ST3GAL3: variants seen among roughly 807,000 people sequenced by gnomAD.
The protein encoded by ST3GAL3 is ST3 beta-galactoside alpha-2,3-sialyltransferase 3.
ST3GAL3 carries 21 observed loss-of-function variants against 50.1 expected under a neutral mutation model. That is an observed-to-expected ratio of 0.42 (90% CI 0.30 to 0.60). The LOEUF (loss-of-function observed/expected upper bound fraction) is 0.60. Ranked by LOEUF, ST3GAL3 falls within the 20% of genes least tolerant of loss-of-function variation. The probability of loss-of-function intolerance (pLI) is 0.19; values close to 1 mark genes in which losing one functional copy is unlikely to be tolerated. For missense variants in ST3GAL3, 353 were observed against 489.4 expected (o/e 0.72, Z 2.63); for synonymous variants, 183 against 190.0 (o/e 0.96, Z 0.30).
chr1:43,865,173 C>T (rs1188987963), intron 5 of ST3GAL3, among the ~76,000 whole-genome samples: 4 of 151,980 alleles, frequency 2.6e-5, no homozygotes, highest in African/African-American at 7.3e-5. Context: ...CCCACCACCA[C>T]GCCCGGCTAT....
At chr1:43,725,673 G>T (rs1163411330) in intron 1 of ST3GAL3, among the ~76,000 whole-genome samples, 5 of 151,986 alleles carry the variant, frequency 3.3e-5, no homozygotes, top group Non-Finnish European at 7.4e-5. Context: ...TTGAGACAGT[G>T]TCCCACTCTG....
chr1:43,744,627 T>TG (rs1279368831), intron 2 of ST3GAL3, among the ~76,000 whole-genome samples: 1 of 141,924 alleles, frequency 7.0e-6, no homozygotes, highest in Non-Finnish European at 1.5e-5. Flanking sequence ...CACTCCAGCG[T>TG]GGGGGACAGA....
intron 9 of ST3GAL3, among the ~76,000 whole-genome samples, chr1:43,901,801 G>C (rs2078322553): frequency 6.6e-6 from 1 of 152,228 alleles, no homozygotes; most frequent in Admixed American, 6.5e-5. Context: ...ACCCAGGGTG[G>C]GTGGGGGTGA....
At chr1:43,815,092 G>A in intron 4 of ST3GAL3, 159 bp downstream of exon 4, 1 of 781,242 alleles carries the variant, frequency 1.3e-6, no homozygotes, top group East Asian at 2.5e-5. Context: ...GCATGTTACA[G>A]TCTGCAGCGG....
chr1:43,722,084 A>G (rs1670767230), intron 1 of ST3GAL3, among the ~76,000 whole-genome samples: 1 of 152,142 alleles, frequency 6.6e-6, no homozygotes, highest in African/African-American at 2.4e-5. Flanking sequence ...GCACAATGTA[A>G]TGGGATAGGG....
At chr1:43,749,805 A>ATGAC (rs1685322987) in intron 2 of ST3GAL3, among the ~76,000 whole-genome samples, 2 of 152,274 alleles carry the variant, frequency 1.3e-5, no homozygotes, top group South Asian at 4.1e-4. Context: ...AAATGAATGA[A>ATGAC]TGCCATTATA....
At chr1:43,867,928 T>C (rs539559451) in intron 5 of ST3GAL3, among the ~76,000 whole-genome samples, 6 of 152,296 alleles carry the variant, frequency 3.9e-5, no homozygotes, top group Admixed American at 1.3e-4. Flanking sequence ...ATAGAATTTC[T>C]CTCCAAAATT....
intron 1 of ST3GAL3, among the ~76,000 whole-genome samples, chr1:43,730,562 CTTTTCTTTCTTTTTTT>C (rs1675232438): frequency 7.1e-6 from 1 of 139,900 alleles, no homozygotes. Context: ...TCTTTCTTTT[CTTTTCTTTCTTTTTTT>C]TTTTTTTTTT....
intron 2 of ST3GAL3, among the ~76,000 whole-genome samples, chr1:43,774,937 T>TA (rs1696621849): frequency 1.3e-5 from 2 of 152,036 alleles, no homozygotes; most frequent in African/African-American, 4.8e-5. Flanking sequence ...CCGCGGTAAG[T>TA]AAAAGCAGGG....
Position 43,746,305 on chromosome 1 carries a change from A to G in ST3GAL3, c.118+9925A>G, listed in dbSNP as rs145868790. Among the ~76,000 whole-genome samples the G allele has an allele frequency of 6.6e-5, 10 of 152,286 alleles. 1 individual carries two copies. In the East Asian group the frequency reaches 1.9e-3, roughly 29 times the overall value. On this transcript the variant is annotated intron_variant, in intron 2 of 11. Coordinates refer to ENST00000347631, the MANE Select transcript of ST3GAL3 (RefSeq NM_006279.5). Reference sequence around the variant, plus strand: ...AATTCATAGAGACAGAAAGTAAAACATGGCTGCCGGAGACTGGAACAGAGG... The same window carrying G: ...AATTCATAGAGACAGAAAGTAAAACGTGGCTGCCGGAGACTGGAACAGAGG...
chr1:43,707,933 G>C (rs969719724), intron 1 of ST3GAL3: 1 of 152,390 alleles, frequency 6.6e-6, no homozygotes, highest in Non-Finnish European at 1.5e-5. Flanking sequence ...AAGGCCGGCC[G>C]GACGCAGGCC....
At chr1:43,719,419 T>C (rs1197831198) in intron 1 of ST3GAL3, among the ~76,000 whole-genome samples, 1 of 150,968 alleles carries the variant, frequency 6.6e-6, no homozygotes, top group Non-Finnish European at 1.5e-5. Context: ...ACTAGCACTT[T>C]GGGAGGCCGA....
At chr1:43,835,968 T>C (rs2154195545) in intron 4 of ST3GAL3, among the ~76,000 whole-genome samples, 1 of 152,358 alleles carries the variant, frequency 6.6e-6, no homozygotes, top group South Asian at 2.1e-4. Flanking sequence ...CCTTCCTCCG[T>C]GACCGTGTTG....
chr1:43,917,509 TA>T (rs1192151743), intron 9 of ST3GAL3, among the ~76,000 whole-genome samples: 4 of 70,452 alleles, frequency 5.7e-5, no homozygotes, highest in African/African-American at 1.1e-4. Flanking sequence ...ATATATTATA[TA>T]ATATAATATA....
chr1:43,817,187 G>GA (rs960807433), intron 4 of ST3GAL3, among the ~76,000 whole-genome samples: 2 of 152,034 alleles, frequency 1.3e-5, no homozygotes, highest in Non-Finnish European at 2.9e-5. Context: ...TTTCCTTTAT[G>GA]AAAAAATGTG....
intron 1 of ST3GAL3, among the ~76,000 whole-genome samples, chr1:43,735,590 C>A (rs1343319767): frequency 1.3e-5 from 2 of 152,188 alleles, no homozygotes; most frequent in Non-Finnish European, 2.9e-5. Flanking sequence ...GAAGTGGATT[C>A]TTCTCCAGGG....
intron 2 of ST3GAL3, among the ~76,000 whole-genome samples, chr1:43,778,888 C>T (rs1698355843): frequency 6.6e-6 from 1 of 151,978 alleles, no homozygotes; most frequent in African/African-American, 2.4e-5. Context: ...ACCTCGTGAT[C>T]CACCCGCCTC....
At chr1:43,795,771 T>G in intron 3 of ST3GAL3, among the ~76,000 whole-genome samples, 1 of 152,196 alleles carries the variant, frequency 6.6e-6, no homozygotes, top group Non-Finnish European at 1.5e-5. Context: ...AAAGGCCTGT[T>G]CAGAATGCAT....
At chr1:43,852,180 C>G (rs1426379369) in intron 5 of ST3GAL3, among the ~76,000 whole-genome samples, 1 of 151,846 alleles carries the variant, frequency 6.6e-6, no homozygotes, top group East Asian at 1.9e-4. Flanking sequence ...CACTTTTGTA[C>G]TCTCTGCTGG....
Sources: gnomAD v4.1 joint callset for allele counts (sites outside exome capture counted in the v4.1 genomes callset) on GRCh38, gnomAD v4.1.1 for gene constraint, MANE v1.5 for transcripts, NCBI Gene and HGNC (gene_info 2026-07-23, HGNC 2026-07-21) for gene names.